Variants in STAC observed in about 807,000 individuals in gnomAD.
STAC encodes the protein SH3 and cysteine-rich domain-containing protein.
A neutral mutation model predicts 48.8 loss-of-function variants in STAC; 43 were observed. That is an observed-to-expected ratio of 0.88 (90% CI 0.69 to 1.14). The LOEUF (loss-of-function observed/expected upper bound fraction) is 1.14, where lower values mean the gene tolerates loss of function less well. STAC is among the 50% of genes most tolerant of loss of function. The probability of loss-of-function intolerance (pLI) is 0.00; values close to 1 mark genes in which losing one functional copy is unlikely to be tolerated. For missense variants in STAC, 497 were observed against 504.0 expected (o/e 0.99, Z 0.13); for synonymous variants, 193 against 179.5 (o/e 1.07, Z -0.60).
At chr3:36,437,034 A>G (rs1375144880) in intron 1 of STAC, among the ~76,000 whole-genome samples, 3 of 152,144 alleles carry the variant, frequency 2.0e-5, no homozygotes, top group South Asian at 4.2e-4. Context: ...AATGCTCACC[A>G]TCACTGGCCA....
chr3:36,507,866 A>C lies in STAC; in HGVS notation c.920+2032A>C, dbSNP rs752567226. Among the ~76,000 whole-genome samples the C allele has an allele frequency of 1.6e-3, 237 of 152,242 alleles. 1 individual carries two copies. Among genetic ancestry groups the C allele is most frequent in the Middle Eastern group, 6.8e-3 (2 of 294 alleles). ...CTATTTTGTTAATCTTTTCAAAAAA[A>C]CCAGCTCCTGGATTCATTGATGTTT... On this transcript the variant is annotated intron_variant, in intron 8 of 10. Transcript: ENST00000273183.
intron 8 of STAC, among the ~76,000 whole-genome samples, chr3:36,510,009 C>G (rs183721114): frequency 1.3e-3 from 196 of 152,164 alleles, no homozygotes; most frequent in Middle Eastern, 3.4e-3. Flanking sequence ...AAACTATCAT[C>G]AGAGTGAATA....
chr3:36,415,893 C>T (rs746756581), intron 1 of STAC, among the ~76,000 whole-genome samples: 69 of 152,218 alleles, frequency 4.5e-4, no homozygotes, highest in Non-Finnish European at 2.2e-4. Context: ...TCTATGTTTA[C>T]ATTCAATTCC....
intron 3 of STAC, among the ~76,000 whole-genome samples, chr3:36,484,711 T>G (rs1697753318): frequency 6.6e-6 from 1 of 152,218 alleles, no homozygotes; most frequent in Non-Finnish European, 1.5e-5. Context: ...TGCAGTGCAC[T>G]GCAGGAGGAG....
chr3:36,490,014 A>G (rs1313266873), intron 5 of STAC, among the ~76,000 whole-genome samples: 2 of 152,220 alleles, frequency 1.3e-5, no homozygotes, highest in Non-Finnish European at 2.9e-5. Context: ...TCCATTTTAA[A>G]AACCCCTCCA....
At position 36,482,692 on chromosome 3, in the gene STAC, G is replaced by T. The variant is rs1037897333; in HGVS notation, c.389-300G>T. Among the ~76,000 whole-genome samples, 13 of 152,166 alleles carry T rather than the reference G, an allele frequency of 8.5e-5. 1 individual carries two copies. The highest frequency in any genetic ancestry group is 7.9e-4 in the Admixed American group (12 of 15,270). ...AAAAGTAGAATTGAGTAACCTACAT[G>T]AAAAGCAAAGAAAATGGAATTCACT... On this transcript the variant is annotated intron_variant, in intron 2 of 10. Transcript: ENST00000273183.
intron 10 of STAC, among the ~76,000 whole-genome samples, chr3:36,541,477 C>T (rs1679982773): frequency 6.6e-6 from 1 of 152,162 alleles, no homozygotes; most frequent in Non-Finnish European, 1.5e-5. Context: ...GGTTGCCCAG[C>T]TGAAATGGTG....
intron 1 of STAC, among the ~76,000 whole-genome samples, chr3:36,396,524 G>A (rs1210704199): frequency 6.6e-6 from 1 of 152,090 alleles, no homozygotes; most frequent in East Asian, 1.9e-4. Flanking sequence ...TCTCACAGAA[G>A]TACAGGGATG....
intron 1 of STAC, among the ~76,000 whole-genome samples, chr3:36,420,014 T>A (rs984979325): frequency 6.6e-6 from 1 of 152,250 alleles, no homozygotes; most frequent in Non-Finnish European, 1.5e-5. Flanking sequence ...CTTTGCCATA[T>A]GAACTTTTTT....
intron 8 of STAC, among the ~76,000 whole-genome samples, chr3:36,519,010 G>T (rs1471424424): frequency 1.3e-5 from 2 of 152,134 alleles, no homozygotes; most frequent in African/African-American, 2.4e-5. Context: ...CAGCCTCAAA[G>T]GGACGTGAAA....
At chr3:36,394,160 T>C (rs897832837) in intron 1 of STAC, among the ~76,000 whole-genome samples, 1 of 152,146 alleles carries the variant, frequency 6.6e-6, no homozygotes, top group Non-Finnish European at 1.5e-5. Context: ...CATTGTCCAA[T>C]ATGGTAGCCA....
chr3:36,540,405 G>T lies in STAC; in HGVS notation c.1111-5786G>T, dbSNP rs556960033. On this transcript the variant is annotated intron_variant, in intron 10 of 10. Coordinates refer to ENST00000273183, the MANE Select transcript of STAC (RefSeq NM_003149.3). The stretch of plus-strand genomic sequence containing the variant: ...AGATGTGATGAAGGTTATGGACTCT[G>T]GGATAGGGAGATACCCTAGATTGTC... Among the ~76,000 whole-genome samples the T allele has an allele frequency of 1.7e-3, 254 of 152,244 alleles. No individual in the cohort carries two copies. In the Middle Eastern group the frequency reaches 0.024, roughly 14 times the overall value.
intron 1 of STAC, among the ~76,000 whole-genome samples, chr3:36,387,023 A>T (rs1443522075): frequency 6.6e-6 from 1 of 152,104 alleles, no homozygotes; most frequent in African/African-American, 2.4e-5. Context: ...CCCCTAAGAC[A>T]TCATTGAGAG....
At chr3:36,512,680 G>GA (rs1474323567) in intron 8 of STAC, among the ~76,000 whole-genome samples, 5 of 152,320 alleles carry the variant, frequency 3.3e-5, no homozygotes, top group Admixed American at 1.3e-4. Context: ...GGTCACGAAT[G>GA]AAACGTTTAC....
At chr3:36,518,615 G>A (rs79043318) in intron 8 of STAC, among the ~76,000 whole-genome samples, 16,261 of 152,148 alleles carry the variant, frequency 0.11, 1,129 homozygotes, top group Non-Finnish European at 0.16. Context: ...ATGAACGGCC[G>A]CTCCTGGAAG....
intron 1 of STAC, among the ~76,000 whole-genome samples, chr3:36,390,974 A>G (rs887854294): frequency 1.3e-5 from 2 of 152,154 alleles, no homozygotes; most frequent in African/African-American, 4.8e-5. Flanking sequence ...TTAAATCTTC[A>G]TAAGATCTCC....
At chr3:36,518,183 T>C (rs1341523410) in intron 8 of STAC, among the ~76,000 whole-genome samples, 1 of 152,176 alleles carries the variant, frequency 6.6e-6, no homozygotes, top group Non-Finnish European at 1.5e-5. Flanking sequence ...TTTATGTAAA[T>C]AATCAGCAGA....
At chr3:36,480,909 C>A (rs1365228091) in intron 2 of STAC, among the ~76,000 whole-genome samples, 1 of 152,156 alleles carries the variant, frequency 6.6e-6, no homozygotes, top group Admixed American at 6.5e-5. Context: ...TCATTGAGTT[C>A]ATGGTCCAGA....
At chr3:36,480,084 T>C (rs1697603312) in intron 2 of STAC, among the ~76,000 whole-genome samples, 1 of 152,200 alleles carries the variant, frequency 6.6e-6, no homozygotes, top group South Asian at 2.1e-4. Flanking sequence ...ATAAAATATA[T>C]ATATTTTAAC....
Sources: gnomAD v4.1 joint callset for allele counts (sites outside exome capture counted in the v4.1 genomes callset) on GRCh38, gnomAD v4.1.1 for gene constraint, MANE v1.5 for transcripts, NCBI Gene and HGNC (gene_info 2026-07-23, HGNC 2026-07-21) for gene names.